GAS5: variants seen among roughly 807,000 people sequenced by gnomAD.
The protein encoded by GAS5 is growth arrest specific 5.
upstream of GAS5, chr1:173,867,893 G>A (rs1655061566): frequency 7.4e-6 from 3 of 406,714 alleles, no homozygotes; most frequent in Non-Finnish European, 1.5e-5. Context: ...AGTCAATTCA[G>A]GGTGACCTTA....
At chr1:173,864,962 T>TA (rs1344586014) in intron 6 of GAS5, 1 of 510,260 alleles carries the variant, frequency 2.0e-6, no homozygotes, top group African/African-American at 1.9e-5. Context: ...CTCACGCCTG[T>TA]AATCCCAGCA....
chr1:173,865,672 T>C, intron 5 of GAS5: 1 of 519,230 alleles, frequency 1.9e-6, no homozygotes, highest in Non-Finnish European at 3.8e-6. Flanking sequence ...AGACATTTGA[T>C]CAACATCATT....
chr1:173,867,452 C>T (rs1462442812), upstream of GAS5: 3 of 360,368 alleles, frequency 8.3e-6, no homozygotes, highest in Non-Finnish European at 1.6e-5. Flanking sequence ...GCGGAGGTTG[C>T]CATTAACCGA....
intron 6 of GAS5, chr1:173,864,818 T>C (rs761700846): frequency 9.6e-6 from 5 of 519,070 alleles, no homozygotes; most frequent in South Asian, 5.6e-5. Context: ...TAAACTAGAA[T>C]GTTACCGCCA....
exon 5 of GAS5, chr1:173,865,863 C>T (rs1654515809): frequency 1.9e-6 from 1 of 516,552 alleles, no homozygotes; most frequent in South Asian, 1.4e-5. Context: ...TTACCAGAAC[C>T]ATTAAGCTGG....
At chr1:173,867,095 T>A (rs1035751631), upstream of GAS5, 9 of 632,466 alleles carry the variant, frequency 1.4e-5, no homozygotes, top group Non-Finnish European at 2.3e-5. Context: ...TTCTTTTTTT[T>A]AAAGAGTGTT....
upstream of GAS5, chr1:173,868,763 G>A (rs564720697): frequency 1.4e-4 from 22 of 152,838 alleles, no homozygotes; most frequent in African/African-American, 5.3e-4. Flanking sequence ...CCTGAGCGCT[G>A]GCTCCCCCGC....
upstream of GAS5, chr1:173,867,996 T>A (rs1048920653): frequency 4.0e-5 from 13 of 324,486 alleles, no homozygotes; most frequent in Non-Finnish European, 8.0e-5. Flanking sequence ...AAAGACAGTA[T>A]GGTGCCTGGG....
chr1:173,867,844 G>C (rs903725889), upstream of GAS5: 8 of 490,200 alleles, frequency 1.6e-5, no homozygotes, highest in African/African-American at 3.9e-5. Context: ...TCCTCAACTT[G>C]TAGGCCCTGC....
At chr1:173,866,668 A>C (rs780456965) in intron 2 of GAS5, 10 of 764,772 alleles carry the variant, frequency 1.3e-5, no homozygotes, top group South Asian at 1.2e-4. Flanking sequence ...TAAGATCCTC[A>C]TCATTCTAGC....
chr1:173,867,282 G>C (rs1421466874), upstream of GAS5: 2 of 487,870 alleles, frequency 4.1e-6, no homozygotes, highest in African/African-American at 3.9e-5. Flanking sequence ...TATGTTGGGG[G>C]ACCACGGCTG....
At chr1:173,866,847 G>A in intron 1 of GAS5, 1 of 765,502 alleles carries the variant, frequency 1.3e-6, no homozygotes, top group African/African-American at 1.7e-5. Flanking sequence ...CCTCACAGCA[G>A]TCACGTTAAA....
At chr1:173,866,843 A>C (rs773996807) in intron 1 of GAS5, 1 of 765,554 alleles carries the variant, frequency 1.3e-6, no homozygotes, top group Admixed American at 1.7e-5. Context: ...TGAACCTCAC[A>C]GCAGTCACGT....
intron 2 of GAS5, chr1:173,866,645 A>G (rs944972560): frequency 6.5e-6 from 5 of 764,306 alleles, no homozygotes; most frequent in Non-Finnish European, 1.2e-5. Context: ...GCCTCAGTTA[A>G]GATAATGGTG....
intron 2 of GAS5, chr1:173,866,731 A>T: frequency 1.3e-6 from 1 of 765,502 alleles, no homozygotes; most frequent in Non-Finnish European, 2.4e-6. Context: ...AATGGCTTTA[A>T]ACCTTTTTGA....
At chr1:173,865,471 C>A (rs746597867) in exon 6 of GAS5, 2 of 507,524 alleles carry the variant, frequency 3.9e-6, no homozygotes, top group Non-Finnish European at 3.9e-6. Context: ...AAACATGTAC[C>A]TTTAAAAGGT....
At chr1:173,865,132 G>A (rs1018221497) in intron 6 of GAS5, 2 of 339,924 alleles carry the variant, frequency 5.9e-6, no homozygotes, top group African/African-American at 4.4e-5. Context: ...CTGGGAGGCA[G>A]AGGTTGCAGT....
chr1:173,867,143 C>T, upstream of GAS5: 2 of 602,302 alleles, frequency 3.3e-6, no homozygotes, highest in Non-Finnish European at 5.9e-6. Flanking sequence ...ACCAATGATG[C>T]AGGTAACATA....
chr1:173,866,650 A>T, intron 2 of GAS5: 2 of 764,490 alleles, frequency 2.6e-6, no homozygotes. Context: ...AGTTAAGATA[A>T]TGGTGGTTAA....
Sources: gnomAD v4.1 joint callset for allele counts on GRCh38, gnomAD v4.1.1 for gene constraint, MANE v1.5 for transcripts, NCBI Gene and HGNC (gene_info 2026-07-23, HGNC 2026-07-21) for gene names.